The following TLN2 variants were observed in gnomAD, a reference collection of about 807,000 sequenced individuals.
TLN2 encodes the protein talin 2, also known as talin-2.
In TLN2, 118 loss-of-function variants were observed where a neutral mutation model predicts 294.7. That is an observed-to-expected ratio of 0.40 (90% CI 0.34 to 0.47). The LOEUF is 0.47. Among genes scored for constraint, TLN2 ranks in the 20% least tolerant of loss-of-function variants. TLN2 has a pLI of 0.84. For synonymous variants in TLN2, 1,431 were observed against 1,304.5 expected (o/e 1.10, Z -2.09); for missense variants, 3,083 against 3,282.2 (o/e 0.94, Z 1.48).
In TLN2 at chr15:62,458,620, T is replaced by G. The variant is rs1276725855; in HGVS notation, c.-238+67935T>G. 5.9e-5 allele frequency among the ~76,000 whole-genome samples: 3 copies of G among 50,520 alleles called. No individual in the cohort carries two copies. In the East Asian group the frequency reaches 2.0e-3, roughly 33 times the overall value. The allele number at this position is 50,520 out of a possible 152,430, so 33.1% of individuals were successfully genotyped here. A position where few individuals can be genotyped will look rare whatever the true frequency, so the allele number is the denominator to read the frequency against. On this transcript the variant is annotated intron_variant, in intron 1 of 58. Coordinates refer to ENST00000636159, the MANE Select transcript of TLN2 (RefSeq NM_015059.3). Reference sequence around the variant, plus strand: ...GTCTCTACAGAAAAAAAAAAAAAATTTAGCTGGGTGTCATGGTGCGCACCT... The same window carrying G: ...GTCTCTACAGAAAAAAAAAAAAAATGTAGCTGGGTGTCATGGTGCGCACCT...
At chr15:62,680,921 A>G (rs1451478681) in intron 11 of TLN2, among the ~76,000 whole-genome samples, 1 of 152,092 alleles carries the variant, frequency 6.6e-6, no homozygotes. Flanking sequence ...GTTCTTTTTC[A>G]TGGCTGAGTA....
At chr15:62,719,929 C>T (rs773421930) in intron 25 of TLN2, 49 bp downstream of exon 25, 2 of 1,423,924 alleles carry the variant, frequency 1.4e-6, no homozygotes, top group Non-Finnish European at 9.5e-7. Context: ...CTCTTCTGGG[C>T]AGGGGCTGCC....
chr15:62,555,189 A>G (rs1293709318), intron 1 of TLN2, among the ~76,000 whole-genome samples: 1 of 152,170 alleles, frequency 6.6e-6, no homozygotes, highest in East Asian at 1.9e-4. Flanking sequence ...CCTTAGTAGA[A>G]TGTTTCAAGG....
chr15:62,733,090 T>C (rs1055475184), intron 28 of TLN2, among the ~76,000 whole-genome samples: 2 of 152,138 alleles, frequency 1.3e-5, no homozygotes, highest in African/African-American at 4.8e-5. Flanking sequence ...AGAGACAGCT[T>C]ATCAGTTGTA....
At chr15:62,582,563 G>T (rs2045226192) in intron 1 of TLN2, among the ~76,000 whole-genome samples, 1 of 152,166 alleles carries the variant, frequency 6.6e-6, no homozygotes, top group Non-Finnish European at 1.5e-5. Flanking sequence ...TAGATTGAAT[G>T]GGGGTGTGGG....
intron 1 of TLN2, among the ~76,000 whole-genome samples, chr15:62,564,761 G>C (rs551252886): frequency 4.6e-5 from 7 of 151,886 alleles, no homozygotes; most frequent in Non-Finnish European, 1.0e-4. Context: ...ACAAAAATTA[G>C]CTGGGCATGG....
Position 62,700,240 on chromosome 15 carries a change from G to A in TLN2, c.1588-866G>A, listed in dbSNP as rs79352119. Among the ~76,000 whole-genome samples, 660 of 152,254 alleles carry A rather than the reference G, an allele frequency of 4.3e-3. 9 individuals carry two copies. The highest frequency in any genetic ancestry group is 0.014 in the African/African-American group (569 of 41,552). ...TCACCAGTTTTCAAAGAATTAGAAT[G>A]CCATAAATTATTTCTAGTGCTAGTC... On this transcript the variant is annotated intron_variant, in intron 16 of 58. Coordinates refer to ENST00000636159, the MANE Select transcript of TLN2 (RefSeq NM_015059.3).
intron 1 of TLN2, among the ~76,000 whole-genome samples, chr15:62,398,925 C>T (rs765507119): frequency 1.3e-5 from 2 of 152,126 alleles, no homozygotes; most frequent in African/African-American, 4.8e-5. Flanking sequence ...GCGGCAGCCC[C>T]TCCCATCTCA....
At chr15:62,433,843 G>A (rs1379332296) in intron 1 of TLN2, among the ~76,000 whole-genome samples, 4 of 151,900 alleles carry the variant, frequency 2.6e-5, no homozygotes, top group African/African-American at 9.7e-5. Context: ...ACAAAAATTA[G>A]CCAGGAGTGA....
chr15:62,600,608 T>C (rs2140778526), intron 2 of TLN2, among the ~76,000 whole-genome samples: 1 of 152,316 alleles, frequency 6.6e-6, no homozygotes, highest in African/African-American at 2.4e-5. Flanking sequence ...ACATGCTCAC[T>C]GAGAGGAGTG....
intron 3 of TLN2, among the ~76,000 whole-genome samples, chr15:62,643,405 A>ATTTTTTTTTTTTTTTTT (rs571288380): frequency 1.1e-4 from 10 of 90,738 alleles, no homozygotes; most frequent in African/African-American, 2.1e-4. Context: ...TGGTTCCAGG[A>ATTTTTTTTTTTTTTTTT]TTTTTTTTTT....
intron 1 of TLN2, among the ~76,000 whole-genome samples, chr15:62,419,976 CT>C (rs768761138): frequency 2.6e-5 from 4 of 152,192 alleles, no homozygotes; most frequent in African/African-American, 4.8e-5. Flanking sequence ...GTTAGGTTTA[CT>C]TCCTCAAAGA....
chr15:62,841,626 C>T lies in TLN2; in HGVS notation c.*1016C>T, dbSNP rs888626541. On this transcript the variant is annotated 3_prime_UTR_variant, in exon 59 of 59. Coordinates refer to ENST00000636159, the MANE Select transcript of TLN2 (RefSeq NM_015059.3). ...TCTTAATATCCAGAAAATCTAAATG[C>T]ATCCTAAAATCAATGTGAACCTTTA... is the stretch of plus-strand genomic sequence containing the variant. 2.0e-5 allele frequency: 3 copies of T among 152,164 alleles called. No individual in the cohort carries two copies. The highest frequency in any genetic ancestry group is 2.9e-5 in the Non-Finnish European group (2 of 68,030). The allele number at this position is 152,164 out of a possible 1,614,324, so 9.4% of individuals were successfully genotyped here.
At chr15:62,466,737 A>G (rs908506207) in intron 1 of TLN2, among the ~76,000 whole-genome samples, 5 of 152,382 alleles carry the variant, frequency 3.3e-5, no homozygotes, top group African/African-American at 9.6e-5. Flanking sequence ...AAAGTGGTCA[A>G]CACAGTTCTG....
Position 62,797,325 on chromosome 15 carries a change from G to A in TLN2, c.6157G>A (p.Ala2053Thr), listed in dbSNP as rs2065563677. The A allele has an allele frequency of 4.3e-6, 7 of 1,613,680 alleles. No homozygotes were observed. The highest frequency in any genetic ancestry group is 5.9e-6 in the Non-Finnish European group (7 of 1,179,998). Residue 2053 changes from alanine to threonine, a missense_variant, in exon 48 of 59, where the codon GCA becomes ACA. Coordinates refer to ENST00000636159, the MANE Select transcript of TLN2 (RefSeq NM_015059.3). ...GCTGGCCCAGGCGGCCCAGTCCTCAGCAGCCACCATCACCCAGCTCGCAGA... is the reference window on the plus strand; with the variant it reads ...GCTGGCCCAGGCGGCCCAGTCCTCAACAGCCACCATCACCCAGCTCGCAGA... Reference protein sequence around the residue: ...DKLAQAAQSSAATITQLAEVV... With the variant: ...DKLAQAAQSSTATITQLAEVV...
intron 1 of TLN2, among the ~76,000 whole-genome samples, chr15:62,478,429 T>C (rs755676530): frequency 2.0e-5 from 3 of 152,188 alleles, no homozygotes; most frequent in Non-Finnish European, 4.4e-5. Context: ...AAATGTTGCT[T>C]CTATAGCACT....
At chr15:62,809,777 G>A (rs2066550427) in intron 51 of TLN2, 148 bp from the exon 52 acceptor site, 3 of 682,126 alleles carry the variant, frequency 4.4e-6, no homozygotes, top group Non-Finnish European at 5.2e-6. Flanking sequence ...GGTGGCAGGA[G>A]GACGTAGAGG....
rs2140412901 is a variant in TLN2, at chr15:62,493,138, T to A, written c.-237-96549T>A. ...AGGGCGTAAATCATGATCTGGGAAG[T>A]CTGGTCCCTGAACAGCTGTCTGCCA... On this transcript the variant is annotated intron_variant, in intron 1 of 58. Transcript: ENST00000636159. Among the ~76,000 whole-genome samples, 2 of 152,278 alleles carry A rather than the reference T, an allele frequency of 1.3e-5. 1 individual carries two copies. The highest frequency in any genetic ancestry group is 4.2e-4 in the South Asian group (2 of 4,816).
rs56279063 is a variant in TLN2 at position 62,574,579 on chromosome 15, C to CAAAAAAAAAAAAAA, written c.-237-15081_-237-15068dup. Among the ~76,000 whole-genome samples the CAAAAAAAAAAAAAA allele has an allele frequency of 6.5e-4, 30 of 46,486 alleles. 7 individuals are homozygous for CAAAAAAAAAAAAAA. Among genetic ancestry groups the CAAAAAAAAAAAAAA allele is most frequent in the East Asian group, 1.8e-3 (2 of 1,112 alleles). The allele number at this position is 46,486 out of a possible 152,430, so 30.5% of individuals were successfully genotyped here. On this transcript the variant is annotated intron_variant, in intron 1 of 58. Transcript: ENST00000636159. ...TGGGCAACAGGATGAGACCCTGTCT[C>CAAAAAAAAAAAAAA]AAAAAAAAAAAAAAAAAAAAAAAAA...
Sources: allele counts gnomAD v4.1 joint callset (sites outside exome capture counted in the v4.1 genomes callset), GRCh38; gene constraint gnomAD v4.1.1; transcripts MANE v1.5; gene names NCBI Gene and HGNC (gene_info 2026-07-23, HGNC 2026-07-21).